The following UBQLN4 variants were observed in gnomAD, a reference collection of about 807,000 sequenced individuals.
UBQLN4 encodes ubiquilin 4.
Under a neutral mutation model 60.4 loss-of-function variants are expected in UBQLN4, and 11 were observed. That is an observed-to-expected ratio of 0.18 (90% CI 0.11 to 0.30). The LOEUF is 0.30. UBQLN4 is among the 10% of genes least tolerant of loss of function. The pLI, the probability that UBQLN4 is intolerant of heterozygous loss-of-function variation, is 1.00. For synonymous variants in UBQLN4, 258 were observed against 313.1 expected, an observed-to-expected ratio of 0.82 and a Z score of 1.86; for missense variants, 417 against 795.5, an observed-to-expected ratio of 0.52 and a Z score of 5.72.
At chr1:156,043,859 A>G (rs1239428080) in intron 6 of UBQLN4, 139 bp downstream of exon 6, 2 of 937,230 alleles carry the variant, frequency 2.1e-6, no homozygotes, top group Non-Finnish European at 3.3e-6. Flanking sequence ...CCACTATCCC[A>G]GACGGCAGAG....
rs910801628 is a variant in UBQLN4 at position 156,042,094 on chromosome 1, T to C, written c.1350+59A>G. 1.4e-5 allele frequency: 23 copies of C among 1,609,856 alleles called. No homozygotes were observed. The East Asian group carries it at 2.2e-4, about 16-fold the overall frequency. Reference sequence around the variant, plus strand: ...TCTGCCCCAACTTCATTTCCACCCATTGGGCTTCAGGGACTACCCCTTGCC... The same window carrying C: ...TCTGCCCCAACTTCATTTCCACCCACTGGGCTTCAGGGACTACCCCTTGCC... On this transcript the variant is annotated intron_variant, in intron 8 of 10. Coordinates refer to ENST00000368309, the MANE Select transcript of UBQLN4 (RefSeq NM_020131.5).
At position 156,048,706 on chromosome 1, in the gene UBQLN4, C is replaced by A. The variant is rs768138962; in HGVS notation, c.742-47G>T. ...AATGGGCCCCGGAACCAGGGGAGCA[C>A]CAACCTAGGAAAAGGGTGGGCCTTG... On this transcript the variant is annotated intron_variant, in intron 4 of 10. Transcript: ENST00000368309. The surrounding 1 kb of genome is among the most constrained non-coding windows in gnomAD (Gnocchi z 4.9). 8.1e-5 allele frequency: 129 copies of A among 1,591,844 alleles called. 3 individuals carry two copies. In the Middle Eastern group the frequency reaches 4.8e-3, roughly 60 times the overall value.
chr1:156,036,061 G>A lies in UBQLN4; in HGVS notation c.*917C>T, dbSNP rs1202996570. On this transcript the variant is annotated 3_prime_UTR_variant, in exon 11 of 11. Transcript: ENST00000368309. ...TGTGTGCATATAAGCACATATGCTT[G>A]AGGAACTAAAGCCAATATGACCCCT... The A allele has an allele frequency of 1.0e-6, 1 of 985,450 alleles. No individual in the cohort carries two copies. Among genetic ancestry groups the A allele is most frequent in the African/African-American group, 1.7e-5 (1 of 57,222 alleles). 61.0% of individuals were successfully genotyped at this position (985,450 alleles called of 1,614,324 possible).
In UBQLN4 at chr1:156,036,033, G is replaced by T; in HGVS notation, c.*945C>A. On this transcript the variant is annotated 3_prime_UTR_variant, in exon 11 of 11. Coordinates refer to ENST00000368309, the MANE Select transcript of UBQLN4 (RefSeq NM_020131.5). ...AAGACCTGGGTCCATGGAAATGTGT[G>T]TGTGTGTGCATATAAGCACATATGC... The T allele has an allele frequency of 1.0e-6, 1 of 985,610 alleles. No homozygotes were observed. The highest frequency in any genetic ancestry group is 1.2e-6 in the Non-Finnish European group (1 of 829,962). 61.1% of individuals were successfully genotyped at this position (985,610 alleles called of 1,614,324 possible).
downstream of UBQLN4, among the ~76,000 whole-genome samples, chr1:156,034,825 C>CTATATATATATA (rs34720108): frequency 3.6e-3 from 167 of 46,312 alleles, no homozygotes; most frequent in Non-Finnish European, 4.9e-3. Context: ...CCTTAACCTT[C>CTATATATATATA]TATATATATA....
chr1:156,053,496 C>T, intron 1 of UBQLN4, 98 bp downstream of exon 1: 2 of 955,160 alleles, frequency 2.1e-6, no homozygotes, highest in South Asian at 1.0e-4. Flanking sequence ...CCGCCCTCCT[C>T]TCCGGGGCCC....
chr1:156,035,776 C>A lies in UBQLN4; in HGVS notation c.*1202G>T, dbSNP rs1355880407. The A allele has an allele frequency of 1.0e-6, 1 of 985,542 alleles. No individual in the cohort carries two copies. The highest frequency in any genetic ancestry group is 1.1e-4 in the East Asian group (1 of 8,942). The allele number at this position is 985,542 out of a possible 1,614,324, so 61.0% of individuals were successfully genotyped here. On this transcript the variant is annotated 3_prime_UTR_variant, in exon 11 of 11. Transcript: ENST00000368309. ...CCCAGCATCCAGAGCCCCAAGGGACCTAGCTCTCCCGGATATATATTCCTG... is the reference window on the plus strand; with the variant it reads ...CCCAGCATCCAGAGCCCCAAGGGACATAGCTCTCCCGGATATATATTCCTG...
At chr1:156,034,151 T>C (rs1683342366), downstream of UBQLN4, among the ~76,000 whole-genome samples, 1 of 151,736 alleles carries the variant, frequency 6.6e-6, no homozygotes, top group Admixed American at 6.6e-5. Context: ...ATAACTTCAA[T>C]GTACAAAAGA....
In UBQLN4 at chr1:156,050,686, C is replaced by T; in HGVS notation, c.479-133G>A. On this transcript the variant is annotated intron_variant, in intron 3 of 10. Coordinates refer to ENST00000368309, the MANE Select transcript of UBQLN4 (RefSeq NM_020131.5). This position sits in a 1 kb window ranked among gnomAD's most constrained non-coding sequence, Gnocchi z 4.6. ...TCCCTCTTCCTGTCATTCCCACAGCCCGGCCCTGATCCACTGCTGGCAAAA... is the reference window on the plus strand; with the variant it reads ...TCCCTCTTCCTGTCATTCCCACAGCTCGGCCCTGATCCACTGCTGGCAAAA... 1.5e-6 allele frequency: 2 copies of T among 1,363,962 alleles called. No homozygotes were observed. Among genetic ancestry groups the T allele is most frequent in the South Asian group, 3.0e-5 (2 of 65,794 alleles). 84.5% of individuals were successfully genotyped at this position (1,363,962 alleles called of 1,614,324 possible).
Position 156,042,000 on chromosome 1 carries a change from A to G in UBQLN4, c.1351-13T>C. The G allele has an allele frequency of 1.2e-6, 2 of 1,614,024 alleles. No individual in the cohort carries two copies. ...CTGGGTTCTGCATCTGGTGGGAAAT[A>G]AGCAGAGAAAGGCATCAAGAGGTGG... On this transcript the variant is annotated splice_polypyrimidine_tract_variant and intron_variant, in intron 8 of 10. Coordinates refer to ENST00000368309, the MANE Select transcript of UBQLN4 (RefSeq NM_020131.5).
Position 156,042,178 on chromosome 1 carries a change from A to C in UBQLN4, c.1325T>G (p.Leu442Arg). The C allele has an allele frequency of 6.2e-7, 1 of 1,607,708 alleles. No individual in the cohort carries two copies. The highest frequency in any genetic ancestry group is 1.3e-5 in the African/African-American group (1 of 74,712). Residue 442 changes from leucine (L) to arginine (R), a missense_variant, in exon 8 of 11, where the codon CTG becomes CGG. Leu to Arg is a moderately radical substitution (Grantham distance 102). Transcript: ENST00000368309. The stretch of plus-strand genomic sequence containing the variant: ...CTGCTGCAGGAAGACTGGGAGCTGC[A>C]GGCGGAGCTGCTCCTGCAGTTGGGG... ...GNPQLQEQLRLQLPVFLQQMQ... is the reference protein window; with the variant it reads ...GNPQLQEQLRRQLPVFLQQMQ...
chr1:156,052,357 C>T (rs1683894270), intron 1 of UBQLN4, among the ~76,000 whole-genome samples: 1 of 152,214 alleles, frequency 6.6e-6, no homozygotes, highest in Admixed American at 6.5e-5. Context: ...GATGGAGTCT[C>T]GCTCTGTAGC....
chr1:156,047,485 C>T (rs1305078279), intron 5 of UBQLN4, among the ~76,000 whole-genome samples: 10 of 151,524 alleles, frequency 6.6e-5, no homozygotes, highest in Admixed American at 4.6e-4. Context: ...CCTCGTGATC[C>T]GCCCACCTCA....
chr1:156,041,397 G>A, intron 10 of UBQLN4, 88 bp downstream of exon 10: 2 of 1,385,206 alleles, frequency 1.4e-6, no homozygotes, highest in Non-Finnish European at 1.9e-6. Flanking sequence ...TCCCAAGCTT[G>A]CCCTACTGCC....
intron 6 of UBQLN4, 69 bp downstream of exon 6, chr1:156,043,929 C>A (rs1683632145): frequency 1.3e-6 from 2 of 1,502,972 alleles, no homozygotes; most frequent in Non-Finnish European, 1.8e-6. Context: ...CAGTATGAAC[C>A]CCATTCAGTC....
chr1:156,039,639 C>T (rs1683495301), intron 10 of UBQLN4, among the ~76,000 whole-genome samples: 1 of 151,966 alleles, frequency 6.6e-6, no homozygotes, highest in African/African-American at 2.4e-5. Context: ...TGATTATGAA[C>T]AAAAGACTCT....
chr1:156,050,216 G>A lies in UBQLN4; in HGVS notation c.741+75C>T. ...TACACGAATGAACAAATCAATGTAG[G>A]ACAAAGTAGGAAAGGCTGGGCAGGG... On this transcript the variant is annotated intron_variant, in intron 4 of 10. Coordinates refer to ENST00000368309, the MANE Select transcript of UBQLN4 (RefSeq NM_020131.5). The surrounding 1 kb of genome is among the most constrained non-coding windows in gnomAD (Gnocchi z 4.6). 1 of 1,498,900 alleles carries A rather than the reference G, an allele frequency of 6.7e-7. No individual in the cohort carries two copies. The highest frequency in any genetic ancestry group is 8.9e-7 in the Non-Finnish European group (1 of 1,121,406). The allele number at this position is 1,498,900 out of a possible 1,614,324, so 92.9% of individuals were successfully genotyped here.
At chr1:156,034,833 A>ATATAT (rs1296313479), downstream of UBQLN4, among the ~76,000 whole-genome samples, 34 of 34,430 alleles carry the variant, frequency 9.9e-4, no homozygotes, top group African/African-American at 3.4e-3. Flanking sequence ...TTCTATATAT[A>ATATAT]TATATATATA....
Position 156,041,643 on chromosome 1 carries a change from G to A in UBQLN4, c.1495C>T (p.Pro499Ser), listed in dbSNP as rs561552921. Residue 499 changes from proline (P) to serine (S), a missense_variant, in exon 10 of 11, where the codon CCA (proline) becomes TCA (serine). Pro to Ser is a moderately conservative substitution (Grantham distance 74). Coordinates refer to ENST00000368309, the MANE Select transcript of UBQLN4 (RefSeq NM_020131.5). ...SLGSFGISRT[P>S]APSAGSNAGS... ...GCGTTGCTGCCTGCTGAGGGTGCTG[G>A]GGTCCGGGATATCCCAAAGGAGCCA... 1 of 1,586,410 alleles carries A rather than the reference G, an allele frequency of 6.3e-7. No individual in the cohort carries two copies. The highest frequency in any genetic ancestry group is 1.1e-5 in the South Asian group (1 of 87,678).
Sources: allele counts gnomAD v4.1 joint callset (sites outside exome capture counted in the v4.1 genomes callset), GRCh38; gene constraint gnomAD v4.1.1; non-coding constraint Gnocchi (gnomAD v3.1); transcripts MANE v1.5; gene names NCBI Gene and HGNC (gene_info 2026-07-23, HGNC 2026-07-21).